The following MAST4 variants were observed in gnomAD, a reference collection of about 807,000 sequenced individuals.
The protein encoded by MAST4 is microtubule associated serine/threonine kinase family member 4.
MAST4 carries 89 observed loss-of-function variants against 162.7 expected under a neutral mutation model. The ratio of observed to expected loss-of-function variants is 0.55; its 90% CI spans 0.46 to 0.65. MAST4 has a LOEUF of 0.65. Ranked by LOEUF, MAST4 falls within the 30% of genes least tolerant of loss-of-function variation. The pLI, the probability that MAST4 is intolerant of heterozygous loss-of-function variation, is 0.00. For missense variants in MAST4, 3,153 were observed against 3,374.0 expected, an observed-to-expected ratio of 0.93 and a Z score of 1.62; for synonymous variants, 1,479 against 1,361.1, an observed-to-expected ratio of 1.09 and a Z score of -1.91.
chr5:67,032,760 G>C (rs1399089459), intron 4 of MAST4, among the ~76,000 whole-genome samples: 1 of 151,926 alleles, frequency 6.6e-6, no homozygotes, highest in East Asian at 1.9e-4. Context: ...GGATTATTGA[G>C]AACAACAGAA....
At chr5:66,736,948 T>C (rs1462883312) in intron 1 of MAST4, among the ~76,000 whole-genome samples, 1 of 152,226 alleles carries the variant, frequency 6.6e-6, no homozygotes, top group Non-Finnish European at 1.5e-5. Flanking sequence ...CCGAGTCATA[T>C]GGGTTGGTAT....
chr5:67,046,099 T>C (rs1757337985), intron 4 of MAST4, among the ~76,000 whole-genome samples: 2 of 152,174 alleles, frequency 1.3e-5, no homozygotes, highest in Non-Finnish European at 2.9e-5. Context: ...TATACAGGTT[T>C]GTAGCCTGGG....
chr5:66,761,067 C>T (rs866830264), intron 2 of MAST4, among the ~76,000 whole-genome samples: 1 of 152,184 alleles, frequency 6.6e-6, no homozygotes. Flanking sequence ...TGCGTTCTTG[C>T]TAACCTGTGG....
intron 3 of MAST4, among the ~76,000 whole-genome samples, chr5:66,810,749 A>C (rs920642455): frequency 1.3e-5 from 2 of 152,140 alleles, no homozygotes; most frequent in Non-Finnish European, 2.9e-5. Context: ...CCTCTCTGCA[A>C]TTCTTTCTGC....
intron 2 of MAST4, among the ~76,000 whole-genome samples, chr5:66,786,161 A>T (rs536262464): frequency 6.6e-6 from 1 of 152,264 alleles, no homozygotes; most frequent in African/African-American, 2.4e-5. Context: ...GAGCCACTGT[A>T]CCCAGCCTAA....
intron 4 of MAST4, among the ~76,000 whole-genome samples, chr5:67,040,779 A>G (rs1268609666): frequency 6.6e-6 from 1 of 152,220 alleles, no homozygotes; most frequent in Admixed American, 6.5e-5. Context: ...TTATAAGTGT[A>G]CATATAATCA....
At chr5:66,981,225 A>G (rs1207708013) in intron 4 of MAST4, among the ~76,000 whole-genome samples, 4 of 152,180 alleles carry the variant, frequency 2.6e-5, no homozygotes, top group Admixed American at 6.5e-5. Context: ...TATCTGAAAT[A>G]GCTGAATATA....
chr5:67,120,281 A>G (rs1046833499), intron 13 of MAST4, among the ~76,000 whole-genome samples: 2 of 152,162 alleles, frequency 1.3e-5, no homozygotes, highest in African/African-American at 4.8e-5. Context: ...GTCAGTGATG[A>G]CAGCCCTGAG....
chr5:66,615,004 C>A (rs1406105040), intron 1 of MAST4, among the ~76,000 whole-genome samples: 4 of 152,158 alleles, frequency 2.6e-5, no homozygotes, highest in African/African-American at 9.7e-5. Context: ...ACGCAGGAAC[C>A]AGGACCCTTG....
intron 2 of MAST4, among the ~76,000 whole-genome samples, chr5:66,765,982 A>G (rs1443832759): frequency 1.3e-5 from 2 of 152,218 alleles, no homozygotes; most frequent in Non-Finnish European, 2.9e-5. Flanking sequence ...ATAAGCACCT[A>G]GAAGCCTCAT....
At chr5:66,724,807 TTATAA>T (rs988177343) in intron 1 of MAST4, among the ~76,000 whole-genome samples, 1 of 151,928 alleles carries the variant, frequency 6.6e-6, no homozygotes, top group Admixed American at 6.6e-5. Flanking sequence ...TAATATATAA[TTATAA>T]TATATGTGGG....
chr5:66,784,841 A>T (rs1295166945), intron 2 of MAST4, among the ~76,000 whole-genome samples: 1 of 152,156 alleles, frequency 6.6e-6, no homozygotes, highest in Admixed American at 6.5e-5. Flanking sequence ...CCACTTTGTA[A>T]GGTATTATCC....
chr5:67,040,482 G>A (rs745561409), intron 4 of MAST4, among the ~76,000 whole-genome samples: 2 of 152,262 alleles, frequency 1.3e-5, no homozygotes, highest in Non-Finnish European at 2.9e-5. Context: ...TCTACCATGA[G>A]CCTGAAAAAT....
intron 1 of MAST4, among the ~76,000 whole-genome samples, chr5:66,711,484 C>T (rs1750493162): frequency 6.6e-6 from 1 of 152,140 alleles, no homozygotes; most frequent in Non-Finnish European, 1.5e-5. Context: ...TATCTCTTGC[C>T]TTTTCATATC....
intron 5 of MAST4, among the ~76,000 whole-genome samples, chr5:67,080,933 TTA>T (rs1202349117): frequency 7.1e-6 from 1 of 140,572 alleles, no homozygotes; most frequent in Non-Finnish European, 1.5e-5. Context: ...TTTTCTTTAA[TTA>T]TATATATTAT....
intron 3 of MAST4, among the ~76,000 whole-genome samples, chr5:66,789,570 A>G (rs1357488279): frequency 1.3e-5 from 2 of 152,134 alleles, no homozygotes; most frequent in African/African-American, 4.8e-5. Context: ...CTCTCTCCTC[A>G]TGGCGAGATT....
chr5:66,966,626 G>A (rs189026226), intron 4 of MAST4, among the ~76,000 whole-genome samples: 3 of 152,248 alleles, frequency 2.0e-5, no homozygotes, highest in East Asian at 1.9e-4. Flanking sequence ...CCTGAAGGTG[G>A]CACACATCAC....
chr5:66,880,104 T>C (rs927896926), intron 3 of MAST4, among the ~76,000 whole-genome samples: 6 of 152,230 alleles, frequency 3.9e-5, no homozygotes, highest in Non-Finnish European at 1.5e-5. Context: ...TACAGCTATG[T>C]AAAAGACTGA....
At chr5:66,909,438 A>G (rs150249317) in intron 4 of MAST4, among the ~76,000 whole-genome samples, 91 of 152,332 alleles carry the variant, frequency 6.0e-4, no homozygotes, top group African/African-American at 2.1e-3. Context: ...AATGCGGTGT[A>G]TTATAGTGGT....
Sources: allele counts gnomAD v4.1 joint callset (sites outside exome capture counted in the v4.1 genomes callset), GRCh38; gene constraint gnomAD v4.1.1; transcripts MANE v1.5; gene names NCBI Gene and HGNC (gene_info 2026-07-23, HGNC 2026-07-21).